Variants in DNAH3 observed in about 807,000 individuals in gnomAD.
DNAH3 encodes the protein dynein axonemal heavy chain 3, also known as axonemal beta dynein heavy chain 3.
A neutral mutation model predicts 432.5 loss-of-function variants in DNAH3; 332 were observed. That is an observed-to-expected ratio of 0.77 (90% CI 0.70 to 0.84). The LOEUF (loss-of-function observed/expected upper bound fraction) is 0.84, where lower values mean the gene tolerates loss of function less well. Among genes scored for constraint, DNAH3 ranks in the 40% least tolerant of loss-of-function variants. The pLI is 0.00. For missense variants in DNAH3, 4,861 were observed against 5,114.0 expected, an observed-to-expected ratio of 0.95 and a Z score of 1.51; for synonymous variants, 1,956 against 1,900.2, an observed-to-expected ratio of 1.03 and a Z score of -0.76.
intron 53 of DNAH3, among the ~76,000 whole-genome samples, chr16:20,962,155 CA>C (rs1404112774): frequency 6.6e-6 from 1 of 151,230 alleles, no homozygotes; most frequent in Non-Finnish European, 1.5e-5. Context: ...AGCAAGACTC[CA>C]TCTCAAAATA....
At chr16:21,124,880 C>T (rs1276782177) in intron 9 of DNAH3, among the ~76,000 whole-genome samples, 4 of 152,168 alleles carry the variant, frequency 2.6e-5, no homozygotes, top group East Asian at 1.9e-4. Context: ...GAACTTCTGA[C>T]GTCAGGTGAT....
chr16:20,999,206 G>A (rs2152689438), intron 43 of DNAH3, among the ~76,000 whole-genome samples: 1 of 152,284 alleles, frequency 6.6e-6, no homozygotes, highest in African/African-American at 2.4e-5. Flanking sequence ...AGTGAGCTGT[G>A]ATTGTGCCAC....
In DNAH3 at chr16:21,103,204, T is replaced by C. The variant is rs138194000; in HGVS notation, c.2366+1267A>G. On this transcript the variant is annotated intron_variant, in intron 16 of 61. Transcript: ENST00000261383. ...GGGGTGAGGGATACAAGACTACAAA[T>C]TGGGTTCAGTGTGTACTGCTCAGGT... Among the ~76,000 whole-genome samples the C allele has an allele frequency of 2.4e-3, 365 of 152,018 alleles. 3 individuals carry two copies. The highest frequency in any genetic ancestry group is 3.7e-3 in the Non-Finnish European group (252 of 67,986).
intron 54 of DNAH3, among the ~76,000 whole-genome samples, chr16:20,955,949 GAC>G (rs1400748467): frequency 6.7e-6 from 1 of 150,246 alleles, no homozygotes; most frequent in Non-Finnish European, 1.5e-5. Flanking sequence ...ATTTTTTTGA[GAC>G]AAGGTCTCAC....
At chr16:20,984,179 G>GTA (rs747901950) in intron 48 of DNAH3, among the ~76,000 whole-genome samples, 63 of 151,668 alleles carry the variant, frequency 4.2e-4, no homozygotes, top group Admixed American at 1.3e-3. Flanking sequence ...GTGTGTGTGT[G>GTA]TATATGTGTG....
chr16:20,974,928 CCT>C (rs1453000043), intron 51 of DNAH3, among the ~76,000 whole-genome samples: 1 of 151,686 alleles, frequency 6.6e-6, no homozygotes, highest in African/African-American at 2.4e-5. Flanking sequence ...AAGCAATTCC[CCT>C]GCCTCAGCTT....
intron 41 of DNAH3, among the ~76,000 whole-genome samples, chr16:21,004,069 G>T (rs1031335157): frequency 6.6e-6 from 1 of 152,084 alleles, no homozygotes; most frequent in South Asian, 2.1e-4. Flanking sequence ...TGACTTTCAG[G>T]TACAGTTTTT....
At position 21,156,302 on chromosome 16, in the gene DNAH3, G is replaced by T. The variant is rs550119525; in HGVS notation, c.117+3023C>A. Among the ~76,000 whole-genome samples, 256 of 151,804 alleles carry T rather than the reference G, an allele frequency of 1.7e-3. 1 individual carries two copies. Among genetic ancestry groups the T allele is most frequent in the Non-Finnish European group, 2.5e-3 (172 of 67,982 alleles). ...GCTAGAGTGCAGTGGTGCAATCTCA[G>T]CTCACTGCAGCCTCCACTGCCTGGG... On this transcript the variant is annotated intron_variant, in intron 1 of 61. Transcript: ENST00000261383.
At chr16:21,022,572 A>G (rs1318808714) in intron 39 of DNAH3, among the ~76,000 whole-genome samples, 1 of 152,096 alleles carries the variant, frequency 6.6e-6, no homozygotes. Context: ...GTAATTTACC[A>G]CACGTATGGG....
chr16:21,065,778 A>C lies in DNAH3; in HGVS notation c.3518+1505T>G, dbSNP rs1392830893. Among the ~76,000 whole-genome samples, 3 of 152,224 alleles carry C rather than the reference A, an allele frequency of 2.0e-5. No homozygotes were observed. The East Asian group carries it at 5.8e-4, about 29-fold the overall frequency. On this transcript the variant is annotated intron_variant, in intron 24 of 61. Coordinates refer to ENST00000261383, the Ensembl canonical transcript of DNAH3. ...ACATTCCTATCATTGCAGAAAGTTCATTGGATAATGCTGAATTGAATAAAT... is the reference window on the plus strand; with the variant it reads ...ACATTCCTATCATTGCAGAAAGTTCCTTGGATAATGCTGAATTGAATAAAT...
intron 20 of DNAH3, among the ~76,000 whole-genome samples, chr16:21,079,758 T>C (rs1452749959): frequency 6.6e-6 from 1 of 152,228 alleles, no homozygotes; most frequent in Non-Finnish European, 1.5e-5. Context: ...GTGAGGCCCT[T>C]TGGCCAAAAA....
intron 19 of DNAH3, among the ~76,000 whole-genome samples, chr16:21,084,305 AT>A (rs1448356768): frequency 6.7e-6 from 1 of 150,274 alleles, no homozygotes; most frequent in Non-Finnish European, 1.5e-5. Flanking sequence ...TATGGTTAGA[AT>A]TTTTTTACTT....
At chr16:21,152,709 C>T (rs1000169824) in intron 1 of DNAH3, among the ~76,000 whole-genome samples, 1 of 152,256 alleles carries the variant, frequency 6.6e-6, no homozygotes, top group Non-Finnish European at 1.5e-5. Flanking sequence ...CTGGCCCTGC[C>T]GGCCCCGGGC....
rs544634951 is a variant in DNAH3 at position 21,057,523 on chromosome 16, C to T, written c.3924+563G>A. ...AGTCGGGTTAAGTTGCTCATGGTCA[C>T]GCAGCTAACAAGAGACAGTGTCAGG... On this transcript the variant is annotated intron_variant, in intron 27 of 61. Coordinates refer to ENST00000261383, the Ensembl canonical transcript of DNAH3. Among the ~76,000 whole-genome samples, 32 of 152,256 alleles carry T rather than the reference C, an allele frequency of 2.1e-4. No homozygotes were observed. In the South Asian group the frequency reaches 2.5e-3, roughly 12 times the overall value.
intron 27 of DNAH3, among the ~76,000 whole-genome samples, chr16:21,057,633 ACAGATGCTTGAG>A (rs2090181827): frequency 6.6e-6 from 1 of 152,218 alleles, no homozygotes; most frequent in Non-Finnish European, 1.5e-5. Context: ...CTGAGGATAA[ACAGATGCTTGAG>A]TATACTTGGT....
At chr16:20,956,221 G>A (rs1158550572) in intron 54 of DNAH3, among the ~76,000 whole-genome samples, 1 of 152,126 alleles carries the variant, frequency 6.6e-6, no homozygotes, top group Non-Finnish European at 1.5e-5. Flanking sequence ...GAGCCACTGC[G>A]CCCGGCCAGA....
intron 19 of DNAH3, among the ~76,000 whole-genome samples, chr16:21,084,859 G>A (rs2152777622): frequency 6.6e-6 from 1 of 152,240 alleles, no homozygotes. Context: ...CGGCCCCGCG[G>A]CATGTTCTCC....
intron 3 of DNAH3, among the ~76,000 whole-genome samples, chr16:21,144,159 C>T (rs1704211089): frequency 6.6e-6 from 1 of 152,044 alleles, no homozygotes; most frequent in South Asian, 2.1e-4. Context: ...CCAAGACAGC[C>T]CCCAATGATC....
intron 54 of DNAH3, among the ~76,000 whole-genome samples, chr16:20,958,034 G>A (rs1367756807): frequency 6.6e-6 from 1 of 151,402 alleles, no homozygotes; most frequent in African/African-American, 2.4e-5. Flanking sequence ...GAGGCAGGAG[G>A]CGGGAGGCAG....
Sources: gnomAD v4.1 joint callset for allele counts (sites outside exome capture counted in the v4.1 genomes callset) on GRCh38, gnomAD v4.1.1 for gene constraint, MANE v1.5 for transcripts, NCBI Gene and HGNC (gene_info 2026-07-23, HGNC 2026-07-21) for gene names.